GPR137: variants seen among roughly 807,000 people sequenced by gnomAD.
GPR137 encodes the protein G protein-coupled receptor 137, also known as integral membrane protein GPR137.
GPR137 carries 20 observed loss-of-function variants against 38.9 expected under a neutral mutation model. That is an observed-to-expected ratio of 0.51 (90% CI 0.36 to 0.75). GPR137 has a LOEUF of 0.75. Among genes scored for constraint, GPR137 ranks in the 30% least tolerant of loss-of-function variants. The pLI, the probability that GPR137 is intolerant of heterozygous loss-of-function variation, is 0.00. For missense variants in GPR137, 456 were observed against 526.4 expected (o/e 0.87, Z 1.31); for synonymous variants, 226 against 235.8 (o/e 0.96, Z 0.38).
At position 64,289,060 on chromosome 11, in the gene GPR137, G is replaced by C; in HGVS notation, c.1055G>C (p.Gly352Ala). The C allele has an allele frequency of 6.3e-7, 1 of 1,598,852 alleles. No homozygotes were observed. The highest frequency in any genetic ancestry group is 1.7e-4 in the Middle Eastern group (1 of 6,032). Reference sequence around the variant, plus strand: ...AGTATGTCGGGCAGTCTAGGCTCTGGGAGCTGGTATGGTGCCATCGGGCGT... The same window carrying C: ...AGTATGTCGGGCAGTCTAGGCTCTGCGAGCTGGTATGGTGCCATCGGGCGT... The part of the protein sequence containing the change: ...STSMSGSLGS[G>A]SWYGAIGREP... Residue 352 changes from glycine (G) to alanine (A), a missense_variant, in exon 7 of 7, where the codon GGG becomes GCG. Physicochemically the swap from Gly to Ala is moderately conservative, Grantham distance 60. Transcript: ENST00000438980.
In GPR137 at chr11:64,285,880, G is replaced by C. The variant is rs1229174726; in HGVS notation, c.-645G>C. 9 of 979,078 alleles carry C rather than the reference G, an allele frequency of 9.2e-6. No homozygotes were observed. The highest frequency in any genetic ancestry group is 6.1e-5 in the Admixed American group (1 of 16,272). The allele number at this position is 979,078 out of a possible 1,614,324, so 60.6% of individuals were successfully genotyped here. A position where few individuals can be genotyped will look rare whatever the true frequency, so the allele number is the denominator to read the frequency against. ...CGGGAGCCGGGGAGCCGGAGCCCCG[G>C]GTCCCCACGACCTGAGCCGGCTCTC... On this transcript the variant is annotated 5_prime_UTR_variant, in exon 1 of 7. Transcript: ENST00000438980.
At chr11:64,276,979 G>T (rs1370360044) in intron 2 of GPR137, 8 of 734,360 alleles carry the variant, frequency 1.1e-5, no homozygotes, top group African/African-American at 3.4e-5. Context: ...ATGCTTCCGC[G>T]AGCATCCCTG....
upstream of GPR137, among the ~76,000 whole-genome samples, chr11:64,279,374 C>T (rs193016976): frequency 7.9e-5 from 12 of 152,288 alleles, 1 homozygote; most frequent in Admixed American, 7.2e-4. Flanking sequence ...GAAGCCCCTA[C>T]CCCTAACTGG....
In GPR137 at chr11:64,286,743, T is replaced by G; in HGVS notation, c.219T>G (p.Arg73=). ...TCTGTCTGCTCTGGGCCGCCTTGCGTACCACCCTCTTCTCCTTCTACTTCC... is the reference window on the plus strand; with the variant it reads ...TCTGTCTGCTCTGGGCCGCCTTGCGGACCACCCTCTTCTCCTTCTACTTCC... The part of the protein sequence containing the change: ...LALCLLWAAL[R]TTLFSFYFRD... Residue 73 remains arginine, a synonymous_variant, in exon 1 of 7, where the codon CGT becomes CGG. Coordinates refer to ENST00000438980, the MANE Select transcript of GPR137 (RefSeq NM_001170880.2). 1 of 1,613,228 alleles carries G rather than the reference T, an allele frequency of 6.2e-7. No individual in the cohort carries two copies. Among genetic ancestry groups the G allele is most frequent in the Non-Finnish European group, 8.5e-7 (1 of 1,179,452 alleles).
upstream of GPR137, chr11:64,285,721 G>A: frequency 2.0e-6 from 2 of 985,380 alleles, no homozygotes. Flanking sequence ...GCCCGCCAGC[G>A]GCGCAGCTCG....
chr11:64,287,750 C>T lies in GPR137; in HGVS notation c.437C>T (p.Ala146Val). The T allele has an allele frequency of 1.9e-6, 3 of 1,605,948 alleles. No individual in the cohort carries two copies. Among genetic ancestry groups the T allele is most frequent in the South Asian group, 1.1e-5 (1 of 91,078 alleles). Residue 146 changes from alanine (A) to valine (V), a missense_variant, in exon 3 of 7, where the codon GCC (alanine) becomes GTC (valine). Transcript: ENST00000438980. ...LLAVRGAFVG[A>V]SLLFLLVNVL... is the part of the protein sequence containing the mutation. ...GCTGTCCGAGGGGCCTTTGTGGGGG[C>T]CTCGCTGCTCTTTCTGCTGGTGAAC...
chr11:64,286,494 T>A lies in GPR137; in HGVS notation c.-31T>A. 6.3e-7 allele frequency: 1 copy of A among 1,586,288 alleles called. No individual in the cohort carries two copies. Among genetic ancestry groups the A allele is most frequent in the African/African-American group, 1.3e-5 (1 of 74,536 alleles). On this transcript the variant is annotated 5_prime_UTR_variant, in exon 1 of 7. Coordinates refer to ENST00000438980, the MANE Select transcript of GPR137 (RefSeq NM_001170880.2). Reference sequence around the variant, plus strand: ...GTCCCGCCGACAGTCCCTCCTTGTCTGTCTCCGGGATTCAGGCCTCCCTCC... The same window carrying A: ...GTCCCGCCGACAGTCCCTCCTTGTCAGTCTCCGGGATTCAGGCCTCCCTCC...
upstream of GPR137, chr11:64,271,498 T>C (rs2032603309): frequency 9.2e-7 from 1 of 1,091,708 alleles, no homozygotes; most frequent in Non-Finnish European, 1.2e-6. Context: ...CAGGACGGCT[T>C]TGGGGAGGGG....
upstream of GPR137, among the ~76,000 whole-genome samples, chr11:64,281,584 C>T (rs767849109): frequency 6.6e-6 from 1 of 152,220 alleles, no homozygotes; most frequent in Non-Finnish European, 1.5e-5. Context: ...GCCCTCGAGG[C>T]CTTACCATCT....
upstream of GPR137, among the ~76,000 whole-genome samples, chr11:64,282,796 T>C (rs1448370993): frequency 6.6e-6 from 1 of 151,238 alleles, no homozygotes; most frequent in Non-Finnish European, 1.5e-5. Flanking sequence ...GGAGAACTGC[T>C]TGAACCCAGG....
upstream of GPR137, chr11:64,285,183 C>G (rs1218875318): frequency 1.0e-6 from 1 of 989,070 alleles, no homozygotes; most frequent in Non-Finnish European, 1.2e-6. Flanking sequence ...GCTCCCCGCT[C>G]CTCCTCCCAG....
At chr11:64,284,835 C>T (rs2033770918), upstream of GPR137, 1 of 1,511,906 alleles carries the variant, frequency 6.6e-7, no homozygotes, top group Non-Finnish European at 8.8e-7. Context: ...TCGTCCGCAT[C>T]CTTTTTCCTC....
At chr11:64,280,975 A>AT (rs998317393), upstream of GPR137, among the ~76,000 whole-genome samples, 34 of 101,798 alleles carry the variant, frequency 3.3e-4, no homozygotes, top group African/African-American at 1.2e-3. Context: ...GCCAATAATA[A>AT]TTTTTTTTTT....
chr11:64,285,065 C>T, upstream of GPR137: 3 of 1,080,848 alleles, frequency 2.8e-6, no homozygotes, highest in South Asian at 2.6e-5. Flanking sequence ...GTGATTACTG[C>T]GGGCGAAGGC....
chr11:64,280,668 A>T (rs2033408287), upstream of GPR137, among the ~76,000 whole-genome samples: 1 of 141,790 alleles, frequency 7.1e-6, no homozygotes, highest in Admixed American at 7.1e-5. Flanking sequence ...TTTTATTTTT[A>T]TTTATTTTTT....
At chr11:64,273,059 C>G (rs2032757854), upstream of GPR137, among the ~76,000 whole-genome samples, 1 of 152,066 alleles carries the variant, frequency 6.6e-6, no homozygotes, top group South Asian at 2.1e-4. Flanking sequence ...AACCCCATCT[C>G]TATTAATTTA....
At chr11:64,272,008 C>A, upstream of GPR137, 2 of 410,202 alleles carry the variant, frequency 4.9e-6, no homozygotes, top group Admixed American at 8.7e-5. Context: ...AGGTTAACTT[C>A]TCATTAATCC....
At chr11:64,271,698 C>T, upstream of GPR137, 1 of 1,469,814 alleles carries the variant, frequency 6.8e-7, no homozygotes, top group East Asian at 2.7e-5. Flanking sequence ...GGGCGCCGAG[C>T]GCGAGCGGCC....
upstream of GPR137, among the ~76,000 whole-genome samples, chr11:64,283,794 C>CTA (rs151169982): frequency 0.028 from 4,181 of 150,798 alleles, 64 homozygotes; most frequent in Non-Finnish European, 0.033. Context: ...CTAATAGCTG[C>CTA]TATATATATA....
Sources: gnomAD v4.1 joint callset for allele counts (sites outside exome capture counted in the v4.1 genomes callset) on GRCh38, gnomAD v4.1.1 for gene constraint, MANE v1.5 for transcripts, NCBI Gene and HGNC (gene_info 2026-07-23, HGNC 2026-07-21) for gene names.